Variants in CCSER1 observed in about 807,000 individuals in gnomAD.
The protein encoded by CCSER1 is coiled-coil serine rich protein 1.
A neutral mutation model predicts 82.0 loss-of-function variants in CCSER1; 41 were observed. The ratio of observed to expected loss-of-function variants is 0.50; its 90% CI spans 0.39 to 0.65. The LOEUF (loss-of-function observed/expected upper bound fraction) is 0.65, where lower values mean the gene tolerates loss of function less well. Among genes scored for constraint, CCSER1 ranks in the 30% least tolerant of loss-of-function variants. The pLI, the probability that CCSER1 is intolerant of heterozygous loss-of-function variation, is 0.00. For missense variants in CCSER1, 1,119 were observed against 1,064.2 expected, an observed-to-expected ratio of 1.05 and a Z score of -0.72; for synonymous variants, 414 against 383.9, an observed-to-expected ratio of 1.08 and a Z score of -0.92.
At chr4:91,229,363 AAC>A (rs1491043386) in intron 10 of CCSER1, among the ~76,000 whole-genome samples, 11 of 151,990 alleles carry the variant, frequency 7.2e-5, no homozygotes, top group African/African-American at 2.4e-4. Context: ...TTAAAAAAAA[AAC>A]AGAGTACTCT....
chr4:91,471,342 G>C (rs1757260934), intron 10 of CCSER1, among the ~76,000 whole-genome samples: 1 of 152,144 alleles, frequency 6.6e-6, no homozygotes, highest in South Asian at 2.1e-4. Context: ...ACTTTACCAT[G>C]AGTGTAATCT....
intron 6 of CCSER1, among the ~76,000 whole-genome samples, chr4:90,641,237 T>C (rs937373414): frequency 6.6e-6 from 1 of 152,098 alleles, no homozygotes; most frequent in African/African-American, 2.4e-5. Flanking sequence ...TCATACAGAA[T>C]ATGGAGTTAA....
At chr4:91,468,546 C>A (rs543765244) in intron 10 of CCSER1, among the ~76,000 whole-genome samples, 1 of 150,574 alleles carries the variant, frequency 6.6e-6, no homozygotes, top group Admixed American at 6.6e-5. Context: ...ATATTTATAA[C>A]CATAGGAATA....
intron 10 of CCSER1, among the ~76,000 whole-genome samples, chr4:91,577,075 G>T (rs1763485115): frequency 2.0e-5 from 3 of 151,958 alleles, no homozygotes; most frequent in African/African-American, 7.2e-5. Context: ...TTGGTGCATA[G>T]CTTACTGAAC....
chr4:90,940,830 A>G (rs1481914477), intron 9 of CCSER1, among the ~76,000 whole-genome samples: 3 of 152,148 alleles, frequency 2.0e-5, no homozygotes. Context: ...AAATTCATAT[A>G]GCTTTTCTAA....
chr4:91,057,732 C>T (rs1310159816), intron 9 of CCSER1, among the ~76,000 whole-genome samples: 4 of 152,072 alleles, frequency 2.6e-5, no homozygotes, highest in Admixed American at 6.6e-5. Flanking sequence ...AGGTTGAGAG[C>T]CAATATCAGT....
At chr4:90,224,621 G>A (rs1006749664) in intron 1 of CCSER1, among the ~76,000 whole-genome samples, 21 of 152,170 alleles carry the variant, frequency 1.4e-4, no homozygotes, top group African/African-American at 3.4e-4. Context: ...AAACACACAC[G>A]TATGTTTTAC....
At chr4:90,284,521 G>A (rs116677498) in intron 1 of CCSER1, among the ~76,000 whole-genome samples, 7 of 149,310 alleles carry the variant, frequency 4.7e-5, no homozygotes, top group Middle Eastern at 3.4e-3. Context: ...TGAGACAGGG[G>A]CTTGTTCTGT....
At chr4:90,436,084 A>G (rs1183699114) in intron 4 of CCSER1, among the ~76,000 whole-genome samples, 1 of 152,152 alleles carries the variant, frequency 6.6e-6, no homozygotes, top group African/African-American at 2.4e-5. Flanking sequence ...TTTCACTTAC[A>G]TATAAGATAG....
chr4:91,191,109 G>A (rs1734957410), intron 10 of CCSER1, among the ~76,000 whole-genome samples: 1 of 152,132 alleles, frequency 6.6e-6, no homozygotes, highest in Non-Finnish European at 1.5e-5. Context: ...AAAACTATAG[G>A]TAAATGCCAA....
intron 10 of CCSER1, among the ~76,000 whole-genome samples, chr4:91,133,597 G>A (rs1728191434): frequency 6.6e-6 from 1 of 152,104 alleles, no homozygotes; most frequent in Non-Finnish European, 1.5e-5. Context: ...GAGATAATGT[G>A]TATGTGTGGG....
chr4:91,438,776 A>G (rs1047611132), intron 10 of CCSER1, among the ~76,000 whole-genome samples: 11 of 152,350 alleles, frequency 7.2e-5, no homozygotes, highest in Non-Finnish European at 1.5e-4. Context: ...CAATACAGAG[A>G]AGTGCTTAAA....
At chr4:90,507,663 A>G (rs1029603441) in intron 5 of CCSER1, among the ~76,000 whole-genome samples, 6 of 152,230 alleles carry the variant, frequency 3.9e-5, no homozygotes, top group African/African-American at 1.4e-4. Context: ...AGATAAAGGT[A>G]TGATTTTATG....
At chr4:90,686,061 A>C (rs1226732653) in intron 6 of CCSER1, among the ~76,000 whole-genome samples, 1 of 152,098 alleles carries the variant, frequency 6.6e-6, no homozygotes, top group Non-Finnish European at 1.5e-5. Flanking sequence ...TGAGGCTTAC[A>C]GTTACCTTGA....
At position 91,024,012 on chromosome 4, in the gene CCSER1, C is replaced by G. The variant is rs530588087; in HGVS notation, c.2173-61938C>G. ...GTCAAGGGGGTGCATCTGGTGAGAGCTGAAGGCAGCACAGTGTATCCCATG... is the reference window on the plus strand; with the variant it reads ...GTCAAGGGGGTGCATCTGGTGAGAGGTGAAGGCAGCACAGTGTATCCCATG... On this transcript the variant is annotated intron_variant, in intron 9 of 10. Transcript: ENST00000509176. 3.3e-5 allele frequency among the ~76,000 whole-genome samples: 5 copies of G among 152,194 alleles called. No individual in the cohort carries two copies. In the South Asian group the frequency reaches 6.2e-4, roughly 19 times the overall value.
chr4:90,616,743 AAAATAAAAT>A (rs1721355385), intron 5 of CCSER1, among the ~76,000 whole-genome samples: 1 of 82,394 alleles, frequency 1.2e-5, no homozygotes, highest in African/African-American at 5.1e-5. Context: ...ACACACAAAT[AAAATAAAAT>A]AAAAGGGAGA....
intron 10 of CCSER1, among the ~76,000 whole-genome samples, chr4:91,142,384 T>A (rs1729124726): frequency 6.6e-6 from 1 of 152,210 alleles, no homozygotes. Context: ...AATTACCCAG[T>A]GTTGGGTATG....
chr4:90,283,885 G>A (rs1382783552), intron 1 of CCSER1, among the ~76,000 whole-genome samples: 2 of 152,030 alleles, frequency 1.3e-5, no homozygotes, highest in East Asian at 3.9e-4. Flanking sequence ...TCTTTTTTTA[G>A]TTTTTTGAGA....
At chr4:90,194,179 A>T (rs1736172835) in intron 1 of CCSER1, among the ~76,000 whole-genome samples, 1 of 152,084 alleles carries the variant, frequency 6.6e-6, no homozygotes, top group South Asian at 2.1e-4. Context: ...AGCCTAGATC[A>T]GATTTGCAGC....
Sources: gnomAD v4.1 joint callset for allele counts (sites outside exome capture counted in the v4.1 genomes callset) on GRCh38, gnomAD v4.1.1 for gene constraint, MANE v1.5 for transcripts, NCBI Gene and HGNC (gene_info 2026-07-23, HGNC 2026-07-21) for gene names.